DCN: variants seen among roughly 807,000 people sequenced by gnomAD.
DCN encodes the protein bone proteoglycan II.
DCN carries 17 observed loss-of-function variants against 36.5 expected under a neutral mutation model. That is an observed-to-expected ratio of 0.47 (90% CI 0.32 to 0.70). The LOEUF is 0.70. DCN is among the 30% of genes least tolerant of loss of function. The probability of loss-of-function intolerance (pLI) is 0.04; values close to 1 mark genes in which losing one functional copy is unlikely to be tolerated. For synonymous variants in DCN, 163 were observed against 161.4 expected (o/e 1.01, Z -0.07); for missense variants, 389 against 430.1 (o/e 0.90, Z 0.84).
intron 1 of DCN, among the ~76,000 whole-genome samples, chr12:91,182,302 A>G (rs1868434794): frequency 6.6e-6 from 1 of 152,206 alleles, no homozygotes; most frequent in South Asian, 2.1e-4. Flanking sequence ...TCAATTACAG[A>G]TATGCTACTT....
chr12:91,176,387 C>G (rs1204362278), intron 2 of DCN: 1 of 151,982 alleles, frequency 6.6e-6, no homozygotes, highest in Non-Finnish European at 1.5e-5. Flanking sequence ...AAAAAGATAA[C>G]ATGTAGAAAA....
intron 2 of DCN, among the ~76,000 whole-genome samples, chr12:91,166,337 A>G (rs1882570339): frequency 1.3e-5 from 2 of 152,204 alleles, no homozygotes; most frequent in African/African-American, 4.8e-5. Context: ...GTAAAACACC[A>G]GAACAGCTAC....
In DCN at chr12:91,145,206, T is replaced by TA. The variant is rs1425198968; in HGVS notation, c.*851dup. ...GGGTGGTTTAACTAAAGAAAATACTTACGTCTAATACATCTAGTAATTGTA... is the reference window on the plus strand; with the variant it reads ...GGGTGGTTTAACTAAAGAAAATACTTAACGTCTAATACATCTAGTAATTGTA... On this transcript the variant is annotated 3_prime_UTR_variant, in exon 8 of 8. Transcript: ENST00000052754. The TA allele has an allele frequency of 1.1e-4, 17 of 152,218 alleles. No homozygotes were observed. Among genetic ancestry groups the TA allele is most frequent in the African/African-American group, 3.6e-4 (15 of 41,454 alleles). 9.4% of individuals were successfully genotyped at this position (152,218 alleles called of 1,614,324 possible). A position where few individuals can be genotyped will look rare whatever the true frequency, so the allele number is the denominator to read the frequency against.
chr12:91,169,378 C>CTAAAAAAAAAAAAAA lies in DCN; in HGVS notation c.212-4662_212-4661insTTTTTTTTTTTTTTA, dbSNP rs71097880. Among the ~76,000 whole-genome samples the CTAAAAAAAAAAAAAA allele has an allele frequency of 8.2e-5, 6 of 73,402 alleles. 1 individual carries two copies. The highest frequency in any genetic ancestry group is 2.1e-4 in the Admixed American group (1 of 4,676). 48.2% of individuals were successfully genotyped at this position (73,402 alleles called of 152,430 possible). A position where few individuals can be genotyped will look rare whatever the true frequency, so the allele number is the denominator to read the frequency against. On this transcript the variant is annotated intron_variant, in intron 2 of 7. Coordinates refer to ENST00000052754, the MANE Select transcript of DCN (RefSeq NM_001920.5). ...CCTAGGCAACAGGGGGAGATCCTGT[C>CTAAAAAAAAAAAAAA]AAAAAAAAAAAAAAAAAAAAAAACC...
chr12:91,177,351 A>G (rs1410434831), intron 2 of DCN: 1 of 517,592 alleles, frequency 1.9e-6, no homozygotes, highest in African/African-American at 1.9e-5. Flanking sequence ...ACTGCTAGAA[A>G]GCATGTTCTG....
chr12:91,177,318 G>T, intron 2 of DCN: 1 of 473,914 alleles, frequency 2.1e-6, no homozygotes, highest in East Asian at 3.4e-5. Context: ...AATTGTAGAA[G>T]TTGCATTTTT....
intron 7 of DCN, among the ~76,000 whole-genome samples, chr12:91,147,194 C>A (rs991148109): frequency 6.6e-6 from 1 of 152,130 alleles, no homozygotes; most frequent in Admixed American, 6.5e-5. Context: ...CTGTAAAAGC[C>A]AGTCATCTGG....
intron 2 of DCN, among the ~76,000 whole-genome samples, chr12:91,167,822 TTTTTTG>T (rs573223537): frequency 3.3e-5 from 5 of 152,114 alleles, no homozygotes; most frequent in East Asian, 3.9e-4. Context: ...CAGAACTATG[TTTTTTG>T]TTTTTGTTTT....
chr12:91,148,721 CAAAAAAAAAAAAA>C lies in DCN; in HGVS notation c.886-2482_886-2470del, dbSNP rs5799978. Among the ~76,000 whole-genome samples, 87 of 49,478 alleles carry C rather than the reference CAAAAAAAAAAAAA, an allele frequency of 1.8e-3. 1 individual carries two copies. Among genetic ancestry groups the C allele is most frequent in the Non-Finnish European group, 2.7e-3 (69 of 25,670 alleles). The allele number at this position is 49,478 out of a possible 152,430, so 32.5% of individuals were successfully genotyped here. A position where few individuals can be genotyped will look rare whatever the true frequency, so the allele number is the denominator to read the frequency against. On this transcript the variant is annotated intron_variant, in intron 7 of 7. Transcript: ENST00000052754. ...GGTGACAGAGCGAGACGCTCCGACT[CAAAAAAAAAAAAA>C]AAAAAAAAAAAAAAATTTGAAATAT...
intron 7 of DCN, among the ~76,000 whole-genome samples, chr12:91,148,540 A>G (rs1881188546): frequency 6.7e-6 from 1 of 150,190 alleles, no homozygotes; most frequent in South Asian, 2.1e-4. Flanking sequence ...ACATGATGAA[A>G]CCCCGTTTCT....
At chr12:91,172,531 A>G (rs2121296548) in intron 2 of DCN, 1 of 342,984 alleles carries the variant, frequency 2.9e-6, no homozygotes, top group South Asian at 3.6e-5. Context: ...CAGGCTTCAT[A>G]CATAGATGAT....
chr12:91,157,216 T>C, intron 4 of DCN, 28 bp from the exon 5 acceptor site: 2 of 1,528,930 alleles, frequency 1.3e-6, no homozygotes, highest in Non-Finnish European at 1.8e-6. Context: ...GCAAGGCTTT[T>C]AGAGGAAATT....
At position 91,164,698 on chromosome 12, in the gene DCN, C is replaced by A; in HGVS notation, c.231G>T (p.Lys77Asn). The A allele has an allele frequency of 1.9e-6, 3 of 1,606,310 alleles. No homozygotes were observed. The highest frequency in any genetic ancestry group is 2.6e-6 in the Non-Finnish European group (3 of 1,173,006). The change falls in exon 3 of 8, where the codon AAG becomes AAT. Residue 77 changes from lysine (K) to asparagine (N), a missense_variant. Physicochemically the swap from Lys to Asn is moderately conservative, Grantham distance 94 (BLOSUM62 0). Coordinates refer to ENST00000052754, the MANE Select transcript of DCN (RefSeq NM_001920.5). ...GCAGAGTTGTGTCAGGGGGAAGATC[C>A]TTTGGCACTTTGTCCAGACCTAGCA... ...CSDLGLDKVP[K>N]DLPPDTTLLD...
At chr12:91,170,968 T>C in intron 2 of DCN, among the ~76,000 whole-genome samples, 1 of 152,324 alleles carries the variant, frequency 6.6e-6, no homozygotes, top group Non-Finnish European at 1.5e-5. Context: ...CCTATGATTG[T>C]ATTAATTGTA....
At chr12:91,175,822 T>A (rs1479402572) in intron 2 of DCN, 1 of 152,146 alleles carries the variant, frequency 6.6e-6, no homozygotes, top group East Asian at 1.9e-4. Flanking sequence ...TAAAACAAAT[T>A]AAAAAATCAA....
Position 91,178,364 on chromosome 12 carries a change from T to C in DCN, c.189A>G (p.Arg63=). The change falls in exon 2 of 8, where the codon CGA becomes CGG. Residue 63 remains arginine, a synonymous_variant. Coordinates refer to ENST00000052754, the MANE Select transcript of DCN (RefSeq NM_001920.5). ...VCPFRCQCHL[R]VVQCSDLGLD... ...CACCCAAATCAGAACACTGGACCAC[T>C]CGAAGATGGCATTGACAGCGGAAGG... 6.2e-7 allele frequency: 1 copy of C among 1,613,786 alleles called. No individual in the cohort carries two copies. Among genetic ancestry groups the C allele is most frequent in the Non-Finnish European group, 8.5e-7 (1 of 1,179,912 alleles).
chr12:91,148,508 G>A (rs1683316572), intron 7 of DCN, among the ~76,000 whole-genome samples: 1 of 151,738 alleles, frequency 6.6e-6, no homozygotes, highest in African/African-American at 2.4e-5. Context: ...ATGAGGTCAG[G>A]TGTTCAAGAC....
intron 5 of DCN, among the ~76,000 whole-genome samples, chr12:91,156,709 T>A (rs1267654273): frequency 1.1e-4 from 17 of 152,094 alleles, no homozygotes; most frequent in Admixed American, 9.2e-4. Flanking sequence ...TTTTTTTTTT[T>A]TACAAACACC....
chr12:91,158,487 T>A lies in DCN; in HGVS notation c.347A>T (p.Lys116Ile). The A allele has an allele frequency of 6.3e-7, 1 of 1,594,316 alleles. No homozygotes were observed. ...NLHALILVNN[K>I]ISKVSPGAFT... ...TGCTCCAGGACTAACTTTGCTAATT[T>A]TATTGTTGACAAGAATCAATGCCTG... Residue 116 changes from lysine to isoleucine, a missense_variant, in exon 4 of 8, where the codon AAA becomes ATA. Physicochemically the swap from Lys to Ile is moderately radical, Grantham distance 102 (BLOSUM62 -3). Coordinates refer to ENST00000052754, the MANE Select transcript of DCN (RefSeq NM_001920.5).
Sources: gnomAD v4.1 joint callset for allele counts (sites outside exome capture counted in the v4.1 genomes callset) on GRCh38, gnomAD v4.1.1 for gene constraint, MANE v1.5 for transcripts, NCBI Gene and HGNC (gene_info 2026-07-23, HGNC 2026-07-21) for gene names.